Variants in SCTR observed in about 807,000 individuals in gnomAD.
SCTR encodes pancreatic secretin receptor.
Under a neutral mutation model 60.8 loss-of-function variants are expected in SCTR, and 56 were observed. The observed-to-expected ratio is 0.92, with a 90% CI of 0.74 to 1.15. SCTR has a LOEUF of 1.15. Ranked by LOEUF, SCTR falls within the 50% of genes most tolerant of loss-of-function variation. The pLI, the probability that SCTR is intolerant of heterozygous loss-of-function variation, is 0.00. For synonymous variants in SCTR, 202 were observed against 217.0 expected, an observed-to-expected ratio of 0.93 and a Z score of 0.61; for missense variants, 562 against 550.4, an observed-to-expected ratio of 1.02 and a Z score of -0.21.
Position 119,460,312 on chromosome 2 carries a change from A to G in SCTR, c.790+1535T>C, listed in dbSNP as rs529411196. Among the ~76,000 whole-genome samples the G allele has an allele frequency of 2.0e-5, 3 of 152,290 alleles. No individual in the cohort carries two copies. In the East Asian group the frequency reaches 5.8e-4, roughly 30 times the overall value. On this transcript the variant is annotated intron_variant, in intron 7 of 12. Transcript: ENST00000019103. ...CTCTGTAAGCCTTTGAGTCACTCAC[A>G]GGAACCTGGCTCTCTGTCTAGAACT...
chr2:119,502,579 G>A (rs977948385), intron 1 of SCTR, among the ~76,000 whole-genome samples: 1 of 151,902 alleles, frequency 6.6e-6, no homozygotes, highest in Non-Finnish European at 1.5e-5. Context: ...TTTTTAAGAA[G>A]TGAAATTAAT....
chr2:119,512,337 TTCC>T (rs1421105383), intron 1 of SCTR, among the ~76,000 whole-genome samples: 15,365 of 51,180 alleles, frequency 0.3, 1,084 homozygotes, highest in Non-Finnish European at 0.36. Flanking sequence ...CCCCTTCCCC[TTCC>T]CCTTCTCCTT....
chr2:119,502,804 C>T (rs184583165), intron 1 of SCTR, among the ~76,000 whole-genome samples: 26 of 138,110 alleles, frequency 1.9e-4, no homozygotes, highest in African/African-American at 5.8e-4. Context: ...CCAACCTGGG[C>T]GACAGAGTGA....
intron 11 of SCTR, 91 bp downstream of exon 11, chr2:119,446,668 A>G: frequency 4.8e-6 from 6 of 1,238,522 alleles, no homozygotes; most frequent in Non-Finnish European, 6.3e-6. Context: ...CAGATAAGGC[A>G]TCTGGCTCGC....
chr2:119,511,652 G>C (rs1306549148), intron 1 of SCTR, among the ~76,000 whole-genome samples: 1 of 152,058 alleles, frequency 6.6e-6, no homozygotes, highest in East Asian at 1.9e-4. Context: ...CTCCACCCAG[G>C]CCTGCTATCT....
chr2:119,444,368 C>T (rs1454745613), intron 11 of SCTR, among the ~76,000 whole-genome samples: 1 of 140,850 alleles, frequency 7.1e-6, no homozygotes, highest in South Asian at 2.3e-4. Context: ...TATATATACA[C>T]ATATATACGT....
chr2:119,511,156 T>C (rs941716651), intron 1 of SCTR, among the ~76,000 whole-genome samples: 3 of 152,016 alleles, frequency 2.0e-5, no homozygotes, highest in African/African-American at 4.8e-5. Flanking sequence ...TGAGCCCAGA[T>C]AGCGCCACTG....
At chr2:119,461,815 C>T (rs921350337) in intron 7 of SCTR, 32 bp downstream of exon 7, 1 of 1,580,910 alleles carries the variant, frequency 6.3e-7, no homozygotes, top group Non-Finnish European at 8.6e-7. Context: ...TCCCACATAC[C>T]ATGCAGATAT....
At chr2:119,514,228 G>A (rs1309126880) in intron 1 of SCTR, among the ~76,000 whole-genome samples, 3 of 152,190 alleles carry the variant, frequency 2.0e-5, no homozygotes, top group Non-Finnish European at 4.4e-5. Context: ...ACCCTTTCAT[G>A]TCTAGGCTGG....
chr2:119,524,058 G>C, intron 1 of SCTR, 97 bp downstream of exon 1: 1 of 889,012 alleles, frequency 1.1e-6, no homozygotes, highest in Non-Finnish European at 1.8e-6. Context: ...GGGAAGATCT[G>C]CTAGTCCCTC....
intron 1 of SCTR, among the ~76,000 whole-genome samples, chr2:119,502,793 A>G (rs1229880972): frequency 6.6e-6 from 1 of 150,638 alleles, no homozygotes; most frequent in Non-Finnish European, 1.5e-5. Context: ...GGAGTTCAAG[A>G]CCAACCTGGG....
intron 1 of SCTR, among the ~76,000 whole-genome samples, chr2:119,517,208 G>A (rs901753878): frequency 6.6e-6 from 1 of 151,432 alleles, no homozygotes; most frequent in South Asian, 2.1e-4. Context: ...CACCCAGGCT[G>A]GAGTGCAGTG....
chr2:119,519,092 C>A (rs1295066507), intron 1 of SCTR, among the ~76,000 whole-genome samples: 3 of 152,128 alleles, frequency 2.0e-5, no homozygotes, highest in Admixed American at 6.6e-5. Flanking sequence ...CTCAGCTTCC[C>A]GAGTAGCTGA....
At chr2:119,516,043 G>A (rs1036610891) in intron 1 of SCTR, among the ~76,000 whole-genome samples, 15 of 152,198 alleles carry the variant, frequency 9.9e-5, no homozygotes, top group African/African-American at 3.4e-4. Flanking sequence ...ACACCTGTTA[G>A]GGGGGCTAAT....
At chr2:119,515,922 G>A (rs915111288) in intron 1 of SCTR, among the ~76,000 whole-genome samples, 31 of 152,258 alleles carry the variant, frequency 2.0e-4, no homozygotes, top group Admixed American at 7.8e-4. Context: ...GGTAGGATCC[G>A]GACTGGAAAG....
intron 1 of SCTR, among the ~76,000 whole-genome samples, chr2:119,521,829 CT>C (rs1206603034): frequency 1.3e-5 from 2 of 152,054 alleles, no homozygotes; most frequent in Non-Finnish European, 2.9e-5. Context: ...GCTCCAGAGG[CT>C]GGGAAATATT....
Position 119,465,131 on chromosome 2 carries a change from G to C in SCTR, c.503+658C>G, listed in dbSNP as rs555810124. ...TCAGAGTGCTCCATCGCTGTCCATA[G>C]TGATTGGCTCAGAGTTGGGCATGTG... On this transcript the variant is annotated intron_variant, in intron 5 of 12. Coordinates refer to ENST00000019103, the MANE Select transcript of SCTR (RefSeq NM_002980.3). Among the ~76,000 whole-genome samples the C allele has an allele frequency of 3.7e-4, 56 of 152,320 alleles. 2 individuals are homozygous for C. The South Asian group carries it at 0.011, about 30-fold the overall frequency.
chr2:119,448,735 T>C lies in SCTR; in HGVS notation c.967A>G (p.Lys323Glu). 1 of 1,604,036 alleles carries C rather than the reference T, an allele frequency of 6.2e-7. No individual in the cohort carries two copies. The highest frequency in any genetic ancestry group is 8.5e-7 in the Non-Finnish European group (1 of 1,170,752). ...FINILRILMR[K>E]LRTQETRGNE... is the part of the protein sequence containing the mutation. Reference sequence around the variant, plus strand: ...CCTCTTGTTTCTTGGGTTCTAAGTTTTCTCATCAGGATTCTTAGAATGTTT... The same window carrying C: ...CCTCTTGTTTCTTGGGTTCTAAGTTCTCTCATCAGGATTCTTAGAATGTTT... Residue 323 changes from lysine to glutamate, a missense_variant, in exon 10 of 13, where the codon AAA becomes GAA. Transcript: ENST00000019103.
chr2:119,520,746 C>T (rs754621651), intron 1 of SCTR, among the ~76,000 whole-genome samples: 43 of 152,272 alleles, frequency 2.8e-4, no homozygotes, highest in Non-Finnish European at 4.7e-4. Context: ...CCACAGAAGT[C>T]CTTTGTCCAG....
Sources: gnomAD v4.1 joint callset for allele counts (sites outside exome capture counted in the v4.1 genomes callset) on GRCh38, gnomAD v4.1.1 for gene constraint, MANE v1.5 for transcripts, NCBI Gene and HGNC (gene_info 2026-07-23, HGNC 2026-07-21) for gene names.